SCN9A: variants seen among roughly 807,000 people sequenced by gnomAD.
The protein encoded by SCN9A is sodium voltage-gated channel alpha subunit 9.
Under a neutral mutation model 187.0 loss-of-function variants are expected in SCN9A, and 131 were observed. The ratio of observed to expected loss-of-function variants is 0.70; its 90% CI spans 0.61 to 0.81. The LOEUF is 0.81. Ranked by LOEUF, SCN9A falls within the 30% of genes least tolerant of loss-of-function variation. SCN9A has a pLI of 0.00. For synonymous variants in SCN9A, 809 were observed against 808.6 expected, an observed-to-expected ratio of 1.00 and a Z score of -0.01; for missense variants, 2,252 against 2,396.6, an observed-to-expected ratio of 0.94 and a Z score of 1.26.
chr2:166,290,627 T>C (rs1698019589), intron 9 of SCN9A, among the ~76,000 whole-genome samples: 2 of 152,322 alleles, frequency 1.3e-5, no homozygotes, highest in South Asian at 2.1e-4. Flanking sequence ...CTTGAGATGG[T>C]ATCTCATTGT....
intron 1 of SCN9A, among the ~76,000 whole-genome samples, chr2:166,327,372 G>A (rs936920590): frequency 1.3e-5 from 2 of 152,050 alleles, no homozygotes; most frequent in African/African-American, 2.4e-5. Flanking sequence ...GCCCAGGCTC[G>A]TCTTGAACTC....
At chr2:166,361,710 A>T (rs1380317591) in intron 1 of SCN9A, among the ~76,000 whole-genome samples, 1 of 152,138 alleles carries the variant, frequency 6.6e-6, no homozygotes, top group African/African-American at 2.4e-5. Context: ...TTAATCATTG[A>T]CAGTAATGAT....
chr2:166,368,626 G>A (rs539500156), intron 1 of SCN9A, among the ~76,000 whole-genome samples: 55 of 138,036 alleles, frequency 4.0e-4, no homozygotes, highest in African/African-American at 1.5e-3. Context: ...GAGTGAAACC[G>A]GCACACCTTT....
chr2:166,321,960 G>A (rs1699256072), intron 1 of SCN9A, among the ~76,000 whole-genome samples: 1 of 151,920 alleles, frequency 6.6e-6, no homozygotes, highest in South Asian at 2.1e-4. Context: ...GCAAGAAGAA[G>A]GAAGAACTCT....
chr2:166,369,067 C>A (rs1700489517), intron 1 of SCN9A, among the ~76,000 whole-genome samples: 1 of 151,776 alleles, frequency 6.6e-6, no homozygotes, highest in Non-Finnish European at 1.5e-5. Context: ...AACATCTACT[C>A]ATATCTACTT....
chr2:166,224,009 A>C (rs1465410373), intron 24 of SCN9A, among the ~76,000 whole-genome samples: 1 of 152,172 alleles, frequency 6.6e-6, no homozygotes, highest in African/African-American at 2.4e-5. Context: ...ATGCTTCTAA[A>C]TCAGTAACTG....
rs78278362 is a variant in SCN9A at position 166,339,956 on chromosome 2, T to G, written c.-50-28150A>C. On this transcript the variant is annotated intron_variant, in intron 1 of 26. Transcript: ENST00000642356. ...TCTTGTATGAACCTGAGTAAATGAT[T>G]TAACCTCAGGAACTATGTCTCCTAT... Among the ~76,000 whole-genome samples, 585 of 152,248 alleles carry G rather than the reference T, an allele frequency of 3.8e-3. 18 individuals are homozygous for G. The East Asian group carries it at 0.076, about 20-fold the overall frequency.
intron 20 of SCN9A, 39 bp from the exon 21 acceptor site, chr2:166,233,501 T>G: frequency 6.6e-7 from 1 of 1,506,554 alleles, no homozygotes; most frequent in African/African-American, 1.4e-5. Context: ...GTCAATAAAA[T>G]GATGAAGCAT....
chr2:166,372,211 T>C (rs116188445), intron 1 of SCN9A, among the ~76,000 whole-genome samples: 1,853 of 152,180 alleles, frequency 0.012, 17 homozygotes, highest in Non-Finnish European at 0.02. Flanking sequence ...TGGGTCTTCA[T>C]GGATAAGCCC....
At chr2:166,347,625 T>A (rs989318668) in intron 1 of SCN9A, among the ~76,000 whole-genome samples, 1 of 152,242 alleles carries the variant, frequency 6.6e-6, no homozygotes, top group African/African-American at 2.4e-5. Context: ...AACTAATTAA[T>A]GTTCACAACA....
At chr2:166,356,701 T>C (rs1242654846) in intron 1 of SCN9A, among the ~76,000 whole-genome samples, 1 of 152,184 alleles carries the variant, frequency 6.6e-6, no homozygotes, top group Admixed American at 6.5e-5. Context: ...CATTTTTCTT[T>C]TCATGCAAAT....
At chr2:166,268,285 A>G (rs1320951831) in intron 17 of SCN9A, among the ~76,000 whole-genome samples, 1 of 152,032 alleles carries the variant, frequency 6.6e-6, no homozygotes, top group Non-Finnish European at 1.5e-5. Context: ...TGGCATTCTT[A>G]ACTATATCCC....
Position 166,357,888 on chromosome 2 carries a change from T to G in SCN9A, c.-51+17809A>C, listed in dbSNP as rs77937563. Among the ~76,000 whole-genome samples, 143 of 152,212 alleles carry G rather than the reference T, an allele frequency of 9.4e-4. 1 individual carries two copies. The highest frequency in any genetic ancestry group is 2.9e-3 in the African/African-American group (122 of 41,546). On this transcript the variant is annotated intron_variant, in intron 1 of 26. Coordinates refer to ENST00000642356, the MANE Select transcript of SCN9A (RefSeq NM_001365536.1). ...CCTTTTGAAACTACCAAGGAGGTTATTGGTATATTGGTAACTCCTTCATAA... is the reference window on the plus strand; with the variant it reads ...CCTTTTGAAACTACCAAGGAGGTTAGTGGTATATTGGTAACTCCTTCATAA...
rs192697516 is a variant in SCN9A at position 166,231,595 on chromosome 2, A to G, written c.3924+1745T>C. Among the ~76,000 whole-genome samples the G allele has an allele frequency of 4.5e-3, 516 of 115,692 alleles. 4 individuals carry two copies. Among genetic ancestry groups the G allele is most frequent in the African/African-American group, 0.017 (493 of 29,186 alleles). 75.9% of individuals were successfully genotyped at this position (115,692 alleles called of 152,430 possible). On this transcript the variant is annotated intron_variant, in intron 21 of 26. Transcript: ENST00000642356. ...GATACAGAGTCTTGCTCTGTTCCCC[A>G]GGCTGGAGTGCAGTTGCATGATCTC...
intron 1 of SCN9A, among the ~76,000 whole-genome samples, chr2:166,331,069 A>C (rs1699491616): frequency 2.0e-5 from 3 of 152,236 alleles, no homozygotes; most frequent in Admixed American, 2.0e-4. Flanking sequence ...GTTTATTAAA[A>C]GTGAGAACAA....
chr2:166,289,915 T>C (rs1697964726), intron 9 of SCN9A, among the ~76,000 whole-genome samples: 2 of 152,318 alleles, frequency 1.3e-5, no homozygotes, highest in South Asian at 2.1e-4. Flanking sequence ...CTTTTTTTCA[T>C]ATGTTTAAGT....
intron 1 of SCN9A, among the ~76,000 whole-genome samples, chr2:166,359,085 G>A (rs774519927): frequency 2.0e-5 from 3 of 151,800 alleles, no homozygotes; most frequent in African/African-American, 4.8e-5. Context: ...TCTGGATATC[G>A]TATTTTCTTC....
chr2:166,369,025 C>T (rs1700488479), intron 1 of SCN9A, among the ~76,000 whole-genome samples: 1 of 151,558 alleles, frequency 6.6e-6, no homozygotes. Context: ...TTATAATATT[C>T]TAAGTTATTA....
chr2:166,346,485 A>C (rs1429336500), intron 1 of SCN9A, among the ~76,000 whole-genome samples: 1 of 152,192 alleles, frequency 6.6e-6, no homozygotes, highest in African/African-American at 2.4e-5. Flanking sequence ...CTTAAAGTAC[A>C]TAATACTTGA....
Sources: gnomAD v4.1 joint callset for allele counts (sites outside exome capture counted in the v4.1 genomes callset) on GRCh38, gnomAD v4.1.1 for gene constraint, MANE v1.5 for transcripts, NCBI Gene and HGNC (gene_info 2026-07-23, HGNC 2026-07-21) for gene names.